The following KRT8 variants were observed in gnomAD, a reference collection of about 807,000 sequenced individuals.
The protein encoded by KRT8 is keratin 8.
In KRT8, 24 loss-of-function variants were observed where a neutral mutation model predicts 43.0. The observed-to-expected ratio is 0.56, with a 90% confidence interval of 0.40 to 0.78. The LOEUF is 0.78. Among genes scored for constraint, KRT8 ranks in the 30% least tolerant of loss-of-function variants. The pLI is 0.00. For synonymous variants in KRT8, 214 were observed against 261.2 expected, an observed-to-expected ratio of 0.82 and a Z score of 1.74; for missense variants, 492 against 638.4, an observed-to-expected ratio of 0.77 and a Z score of 2.47.
chr12:52,900,388 T>C (rs1175615210), intron 4 of KRT8, among the ~76,000 whole-genome samples, 200 bp downstream of exon 4: 1 of 152,184 alleles, frequency 6.6e-6, no homozygotes, highest in Non-Finnish European at 1.5e-5. Flanking sequence ...AATGGGGTAA[T>C]GACTCATCCC....
At chr12:52,940,790 T>C (rs901237609) in intron 2 of KRT8, among the ~76,000 whole-genome samples, 9 of 151,686 alleles carry the variant, frequency 5.9e-5, no homozygotes, top group Non-Finnish European at 1.2e-4. Flanking sequence ...CATGCCCCGC[T>C]AATTTTTTTG....
chr12:52,897,313 T>C (rs1365203188), exon 8 of KRT8: 6 of 1,004,288 alleles, frequency 6.0e-6, no homozygotes, highest in African/African-American at 4.7e-5. Context: ...GGCTGAGGGC[T>C]AGGGCTGAGC....
chr12:52,903,127 C>A (rs1199136803), intron 1 of KRT8, among the ~76,000 whole-genome samples: 1 of 152,192 alleles, frequency 6.6e-6, no homozygotes, highest in African/African-American at 2.4e-5. Context: ...CCAGGTCATT[C>A]TGCCCCAAAA....
chr12:52,926,102 T>C (rs1473371942), intron 2 of KRT8, among the ~76,000 whole-genome samples: 1 of 151,940 alleles, frequency 6.6e-6, no homozygotes, highest in Non-Finnish European at 1.5e-5. Flanking sequence ...GTCCTGAGAC[T>C]TCTAGACATG....
chr12:52,898,411 C>T (rs750724697), intron 7 of KRT8, 50 bp downstream of exon 7: 11 of 1,544,606 alleles, frequency 7.1e-6, no homozygotes, highest in Non-Finnish European at 8.0e-6. Flanking sequence ...GAGCTGAGGC[C>T]TCCCTGGGCC....
chr12:52,911,326 T>C (rs1012545705), upstream of KRT8, among the ~76,000 whole-genome samples: 16 of 151,218 alleles, frequency 1.1e-4, no homozygotes, highest in African/African-American at 3.9e-4. Flanking sequence ...CACTCCAGCC[T>C]GGGTGACAGA....
chr12:52,913,539 T>C (rs1941676158), intron 2 of KRT8, among the ~76,000 whole-genome samples: 1 of 152,182 alleles, frequency 6.6e-6, no homozygotes, highest in African/African-American at 2.4e-5. Flanking sequence ...GCACACATGT[T>C]TGATGGGTTA....
At chr12:52,940,828 A>T (rs1047921096) in intron 2 of KRT8, among the ~76,000 whole-genome samples, 3 of 151,570 alleles carry the variant, frequency 2.0e-5, no homozygotes, top group Non-Finnish European at 2.9e-5. Flanking sequence ...GGGTTTCACC[A>T]TCTTGGCCAG....
chr12:52,926,940 ATG>A (rs1942003749), intron 2 of KRT8, among the ~76,000 whole-genome samples: 4 of 58,052 alleles, frequency 6.9e-5, no homozygotes, highest in Middle Eastern at 0.011. Context: ...GATTCACTGA[ATG>A]AATGAATGAA....
At chr12:52,904,199 G>A (rs1941452971) in intron 1 of KRT8, among the ~76,000 whole-genome samples, 1 of 152,156 alleles carries the variant, frequency 6.6e-6, no homozygotes, top group South Asian at 2.1e-4. Context: ...TGCTGGCGAA[G>A]AGGCGAACCT....
At chr12:52,906,625 G>A (rs892757812), upstream of KRT8, 2 of 450,426 alleles carry the variant, frequency 4.4e-6, no homozygotes, top group African/African-American at 4.0e-5. Flanking sequence ...GGTCCCCAAG[G>A]CAGAGATTCC....
At chr12:52,909,165 CA>C (rs1204524875), upstream of KRT8, among the ~76,000 whole-genome samples, 2 of 152,172 alleles carry the variant, frequency 1.3e-5, no homozygotes, top group Non-Finnish European at 2.9e-5. Flanking sequence ...AAGATAACCA[CA>C]AAAGCATAAA....
upstream of KRT8, chr12:52,906,708 A>G (rs764789188): frequency 4.4e-6 from 2 of 455,962 alleles, no homozygotes. Context: ...GGACTGGATG[A>G]AACTGAACTC....
At chr12:52,918,396 C>T (rs1333026161) in intron 2 of KRT8, among the ~76,000 whole-genome samples, 1 of 152,138 alleles carries the variant, frequency 6.6e-6, no homozygotes. Context: ...TGCATCACCT[C>T]ATTTAAATTC....
intron 2 of KRT8, chr12:52,926,331 T>TGGCCCCCCCCCCCCCCCCCCCCCCCAGTG: frequency 2.9e-6 from 2 of 701,180 alleles, no homozygotes; most frequent in Non-Finnish European, 5.0e-6. Flanking sequence ...TGGCACTAGC[T>TGGCCCCCCCCCCCCCCCCCCCCCCCAGTG]GCCCTCCCCA....
At chr12:52,909,276 G>A (rs1034569050), upstream of KRT8, among the ~76,000 whole-genome samples, 1 of 152,232 alleles carries the variant, frequency 6.6e-6, no homozygotes, top group African/African-American at 2.4e-5. Flanking sequence ...GAGGCTTCCT[G>A]CCTCTGGGTT....
chr12:52,934,387 C>G (rs1239744257), intron 2 of KRT8, among the ~76,000 whole-genome samples: 2 of 151,804 alleles, frequency 1.3e-5, no homozygotes, highest in African/African-American at 4.8e-5. Context: ...TGGTGAAACC[C>G]TGTCTCTACT....
intron 2 of KRT8, among the ~76,000 whole-genome samples, chr12:52,944,487 G>A (rs1201006266): frequency 6.6e-6 from 1 of 152,164 alleles, no homozygotes; most frequent in Non-Finnish European, 1.5e-5. Context: ...GGGGGATATG[G>A]CATTGGGATA....
At chr12:52,898,377 C>T (rs779231095) in intron 7 of KRT8, 84 bp downstream of exon 7, 14 of 1,183,138 alleles carry the variant, frequency 1.2e-5, no homozygotes, top group Admixed American at 5.8e-5. Context: ...TCACTGTGAG[C>T]GACTGAGCAC....
Sources: allele counts gnomAD v4.1 joint callset (sites outside exome capture counted in the v4.1 genomes callset), GRCh38; gene constraint gnomAD v4.1.1; transcripts MANE v1.5; gene names NCBI Gene and HGNC (gene_info 2026-07-23, HGNC 2026-07-21).